TANC1: variants seen among roughly 807,000 people sequenced by gnomAD.
TANC1 encodes the protein protein TANC1.
A neutral mutation model predicts 149.7 loss-of-function variants in TANC1; 77 were observed. The observed-to-expected ratio is 0.51, with a 90% CI of 0.43 to 0.62. The LOEUF is 0.62. Ranked by LOEUF, TANC1 falls within the 20% of genes least tolerant of loss-of-function variation. TANC1 has a pLI of 0.00. For synonymous variants in TANC1, 854 were observed against 925.0 expected, an observed-to-expected ratio of 0.92 and a Z score of 1.39; for missense variants, 1,985 against 2,321.8, an observed-to-expected ratio of 0.85 and a Z score of 2.98.
At chr2:159,175,429 C>T (rs2055745508) in intron 12 of TANC1, among the ~76,000 whole-genome samples, 1 of 152,186 alleles carries the variant, frequency 6.6e-6, no homozygotes, top group Non-Finnish European at 1.5e-5. Context: ...GATGACTGAG[C>T]AGTTCCAAAG....
intron 2 of TANC1, among the ~76,000 whole-genome samples, chr2:159,035,858 G>C (rs545430175): frequency 1.3e-5 from 2 of 152,290 alleles, no homozygotes; most frequent in African/African-American, 4.8e-5. Context: ...TTATAAATGG[G>C]TTGCTGTAGG....
intron 2 of TANC1, among the ~76,000 whole-genome samples, chr2:159,021,366 A>G (rs2038820444): frequency 2.0e-5 from 3 of 152,320 alleles, no homozygotes; most frequent in South Asian, 4.1e-4. Context: ...CTCTCATTCA[A>G]CTGAAAATCA....
chr2:159,218,823 C>T (rs1044267695), intron 20 of TANC1, among the ~76,000 whole-genome samples: 1 of 152,190 alleles, frequency 6.6e-6, no homozygotes, highest in African/African-American at 2.4e-5. Flanking sequence ...TCTGCGACCC[C>T]CTCATGCCCT....
At chr2:159,220,771 G>C (rs1256775573) in intron 22 of TANC1, among the ~76,000 whole-genome samples, 1 of 151,258 alleles carries the variant, frequency 6.6e-6, no homozygotes, top group South Asian at 2.1e-4. Flanking sequence ...TTAGAGACAC[G>C]GTTTTTCACC....
intron 4 of TANC1, among the ~76,000 whole-genome samples, chr2:159,117,273 G>T (rs956639675): frequency 6.6e-6 from 1 of 152,154 alleles, no homozygotes; most frequent in African/African-American, 2.4e-5. Context: ...TTATAGAGAA[G>T]TTGCAAAGAA....
intron 2 of TANC1, among the ~76,000 whole-genome samples, chr2:159,038,261 G>T (rs567318674): frequency 1.3e-5 from 2 of 152,118 alleles, no homozygotes; most frequent in Admixed American, 1.3e-4. Context: ...GGGCTGAGAC[G>T]ATGGGGTTTT....
intron 2 of TANC1, among the ~76,000 whole-genome samples, chr2:159,006,012 T>C (rs1559123355): frequency 6.6e-6 from 1 of 152,118 alleles, no homozygotes; most frequent in African/African-American, 2.4e-5. Context: ...TAGAATGTTA[T>C]GGCCGGGCGC....
At chr2:158,976,706 C>T (rs1473940984) in intron 1 of TANC1, among the ~76,000 whole-genome samples, 1 of 152,130 alleles carries the variant, frequency 6.6e-6, no homozygotes, top group Non-Finnish European at 1.5e-5. Flanking sequence ...CATGGTGAAA[C>T]CCCGTCTCTA....
At chr2:159,116,451 C>CA (rs766638121) in intron 4 of TANC1, among the ~76,000 whole-genome samples, 28 of 135,392 alleles carry the variant, frequency 2.1e-4, no homozygotes, top group South Asian at 9.4e-4. Context: ...ACAACAACAA[C>CA]AACAAAAAAA....
rs577285076 is a variant in TANC1, at chr2:158,988,285, C to G, written c.-125-12795C>G. ...GAGGTTGCAGTGAGCTGAGATCGGG[C>G]CACTGTACTCCAGCCTGGGTGACAG... On this transcript the variant is annotated intron_variant, in intron 1 of 26. Transcript: ENST00000263635. Among the ~76,000 whole-genome samples the G allele has an allele frequency of 2.3e-3, 350 of 150,102 alleles. 3 individuals carry two copies. Among genetic ancestry groups the G allele is most frequent in the African/African-American group, 8.4e-3 (342 of 40,626 alleles).
At chr2:159,159,354 G>T (rs905096568) in intron 7 of TANC1, among the ~76,000 whole-genome samples, 1 of 151,274 alleles carries the variant, frequency 6.6e-6, no homozygotes. Context: ...TGGGAGGATC[G>T]CTTGAGCCTT....
chr2:159,122,249 A>G (rs1355584123), intron 4 of TANC1, among the ~76,000 whole-genome samples: 1 of 152,178 alleles, frequency 6.6e-6, no homozygotes, highest in African/African-American at 2.4e-5. Context: ...ATTTTTTAAA[A>G]TAGTGAAAAA....
Position 159,178,714 on chromosome 2 carries a change from A to G in TANC1, c.2061A>G (p.Thr687=), listed in dbSNP as rs576203231. 51 of 1,614,094 alleles carry G rather than the reference A, an allele frequency of 3.2e-5. No individual in the cohort carries two copies. The highest frequency in any genetic ancestry group is 1.8e-4 in the East Asian group (8 of 44,860). Residue 687 remains threonine (T), a synonymous_variant, in exon 14 of 27, where the codon ACA becomes ACG. Coordinates refer to ENST00000263635, the MANE Select transcript of TANC1 (RefSeq NM_033394.3). ...CCCTGAATGGCAAGGCCGATGCCAC[A>G]CTCATTGGAAAAGTGAGCAGCCACC... ...NISLNGKADA[T]LIGKVSSHLV...
intron 19 of TANC1, among the ~76,000 whole-genome samples, chr2:159,216,171 G>C (rs1234655886): frequency 1.3e-5 from 2 of 152,084 alleles, no homozygotes; most frequent in African/African-American, 4.8e-5. Flanking sequence ...GTTACTAATG[G>C]GGCTTGGTGC....
intron 18 of TANC1, among the ~76,000 whole-genome samples, 157 bp from the exon 19 acceptor site, chr2:159,198,818 T>C (rs780174945): frequency 4.4e-4 from 67 of 152,220 alleles, no homozygotes; most frequent in Admixed American, 3.9e-4. Flanking sequence ...GAATAGCATA[T>C]GAATTATGCT....
rs2150934533 is a variant in TANC1 at position 159,219,850 on chromosome 2, T to C, written c.3661T>C (p.Tyr1221His). The change falls in exon 22 of 27, where the codon TAT (tyrosine) becomes CAT (histidine). Residue 1221 changes from tyrosine to histidine, a missense_variant. By Grantham distance (83) the Tyr-to-His change is moderately conservative. Coordinates refer to ENST00000263635, the MANE Select transcript of TANC1 (RefSeq NM_033394.3). ...GRTPLDLAAF[Y>H]GDAETVLYLV... ...CACACCCTTGGACCTGGCTGCCTTC[T>C]ATGGCGATGCCGAGACTGTGAGTAC... 1.2e-6 allele frequency: 2 copies of C among 1,613,276 alleles called. No individual in the cohort carries two copies. Among genetic ancestry groups the C allele is most frequent in the Non-Finnish European group, 1.7e-6 (2 of 1,180,020 alleles).
At chr2:159,012,669 A>G (rs925690565) in intron 2 of TANC1, among the ~76,000 whole-genome samples, 1 of 152,320 alleles carries the variant, frequency 6.6e-6, no homozygotes, top group East Asian at 1.9e-4. Context: ...CAAGGAGTAA[A>G]ACAAATTTGC....
chr2:159,227,966 G>T lies in TANC1; in HGVS notation c.4050+1G>T. 6.2e-7 allele frequency: 1 copy of T among 1,611,494 alleles called. No homozygotes were observed. The highest frequency in any genetic ancestry group is 8.5e-7 in the Non-Finnish European group (1 of 1,179,438). On this transcript the variant is annotated splice_donor_variant, in intron 25 of 26. Transcript: ENST00000263635. LOFTEE classifies it high-confidence loss of function. ...GTCGCGATGCCGAAGAAAAACAAAT[G>T]TAAGCTGTGCCCCTTTATTCCAACC... is the stretch of plus-strand genomic sequence containing the variant.
At chr2:159,187,234 G>A (rs62171133) in intron 16 of TANC1, among the ~76,000 whole-genome samples, 5,169 of 152,262 alleles carry the variant, frequency 0.034, 104 homozygotes, top group African/African-American at 0.055. Flanking sequence ...AGATGTGGGT[G>A]GTCAGGGCTG....
Sources: gnomAD v4.1 joint callset for allele counts (sites outside exome capture counted in the v4.1 genomes callset) on GRCh38, gnomAD v4.1.1 for gene constraint, MANE v1.5 for transcripts, NCBI Gene and HGNC (gene_info 2026-07-23, HGNC 2026-07-21) for gene names.